UST: variants seen among roughly 807,000 people sequenced by gnomAD.
UST encodes the protein chondroitin sulfate 2-O-sulfotransferase.
Under a neutral mutation model 45.6 loss-of-function variants are expected in UST, and 21 were observed. That is an observed-to-expected ratio of 0.46 (90% confidence interval 0.33 to 0.66). The LOEUF (loss-of-function observed/expected upper bound fraction) is 0.66. Among genes scored for constraint, UST ranks in the 30% least tolerant of loss-of-function variants. The pLI, the probability that UST is intolerant of heterozygous loss-of-function variation, is 0.02. For missense variants in UST, 463 were observed against 512.4 expected, an observed-to-expected ratio of 0.90 and a Z score of 0.93; for synonymous variants, 215 against 200.6, an observed-to-expected ratio of 1.07 and a Z score of -0.61.
chr6:148,810,288 G>A (rs954377836), intron 1 of UST, among the ~76,000 whole-genome samples: 1 of 152,154 alleles, frequency 6.6e-6, no homozygotes, highest in African/African-American at 2.4e-5. Flanking sequence ...AACTCCCATA[G>A]ATCAGGATTA....
chr6:148,797,054 A>C (rs1776964975), intron 1 of UST, among the ~76,000 whole-genome samples: 1 of 151,910 alleles, frequency 6.6e-6, no homozygotes, highest in Admixed American at 6.6e-5. Context: ...GCCACTTCCA[A>C]AGTGCTAGGA....
At chr6:148,799,649 C>T (rs1407948933) in intron 1 of UST, among the ~76,000 whole-genome samples, 1 of 152,066 alleles carries the variant, frequency 6.6e-6, no homozygotes, top group Non-Finnish European at 1.5e-5. Context: ...CAACCCCGTT[C>T]CCTCCCTCCT....
chr6:148,759,475 C>G (rs185231302), intron 1 of UST, among the ~76,000 whole-genome samples: 6 of 151,186 alleles, frequency 4.0e-5, no homozygotes, highest in African/African-American at 1.2e-4. Context: ...TGCAGTGAGC[C>G]GAGATCGCAC....
intron 7 of UST, among the ~76,000 whole-genome samples, chr6:149,037,902 A>G (rs546905557): frequency 2.0e-5 from 3 of 152,220 alleles, no homozygotes; most frequent in Non-Finnish European, 4.4e-5. Flanking sequence ...TCAGCAAGGT[A>G]GAAGGCCAGC....
intron 5 of UST, among the ~76,000 whole-genome samples, chr6:148,994,718 C>G (rs1781417622): frequency 6.6e-6 from 1 of 152,176 alleles, no homozygotes; most frequent in Non-Finnish European, 1.5e-5. Context: ...AGCACACTCT[C>G]TAAGACCCCA....
At chr6:148,869,508 T>G (rs549333852) in intron 1 of UST, among the ~76,000 whole-genome samples, 1 of 152,332 alleles carries the variant, frequency 6.6e-6, no homozygotes, top group African/African-American at 2.4e-5. Flanking sequence ...ATTTTACATT[T>G]GAAGGCCTAA....
At chr6:148,848,397 G>A (rs1778037794) in intron 1 of UST, among the ~76,000 whole-genome samples, 1 of 152,208 alleles carries the variant, frequency 6.6e-6, no homozygotes, top group South Asian at 2.1e-4. Flanking sequence ...TTAAGGCTGG[G>A]CATGGTGGCT....
Position 148,779,965 on chromosome 6 carries a change from C to T in UST, c.247+32288C>T, listed in dbSNP as rs1262145065. ...GACTTTGTGATATTTATTTTGGCTG[C>T]TTATTTACTCAGGTTTATTCCAGAT... On this transcript the variant is annotated intron_variant, in intron 1 of 7. Transcript: ENST00000367463. Among the ~76,000 whole-genome samples the T allele has an allele frequency of 2.6e-5, 4 of 151,990 alleles. No homozygotes were observed. In the East Asian group the frequency reaches 7.7e-4, roughly 29 times the overall value.
intron 1 of UST, among the ~76,000 whole-genome samples, chr6:148,799,671 C>CT (rs1305299012): frequency 1.3e-5 from 2 of 152,122 alleles, no homozygotes; most frequent in Non-Finnish European, 2.9e-5. Flanking sequence ...CCCTTTTTCT[C>CT]TTTTTTTCTT....
intron 7 of UST, among the ~76,000 whole-genome samples, chr6:149,024,034 T>A (rs1216882283): frequency 1.3e-5 from 2 of 152,356 alleles, no homozygotes; most frequent in East Asian, 1.9e-4. Flanking sequence ...TCAAAGAGAA[T>A]AAAGGACATC....
chr6:148,800,150 G>C (rs1358688783), intron 1 of UST, among the ~76,000 whole-genome samples: 2 of 152,194 alleles, frequency 1.3e-5, no homozygotes, highest in African/African-American at 2.4e-5. Context: ...TTTGGCATCA[G>C]AAAAACATGG....
intron 5 of UST, among the ~76,000 whole-genome samples, chr6:148,971,505 G>C (rs887293482): frequency 1.3e-5 from 2 of 152,128 alleles, no homozygotes; most frequent in African/African-American, 4.8e-5. Flanking sequence ...CAGAGACATG[G>C]CGCTGTCCAG....
intron 1 of UST, among the ~76,000 whole-genome samples, chr6:148,764,530 T>C (rs1776282129): frequency 6.6e-6 from 1 of 152,212 alleles, no homozygotes; most frequent in Non-Finnish European, 1.5e-5. Context: ...TCAACGTGGG[T>C]TCTTTTCTAT....
intron 7 of UST, among the ~76,000 whole-genome samples, chr6:149,065,273 TG>T (rs1776715272): frequency 6.6e-6 from 1 of 152,240 alleles, no homozygotes; most frequent in Non-Finnish European, 1.5e-5. Flanking sequence ...GCTGCTATTA[TG>T]GCAGTCTGGA....
At chr6:148,993,268 G>C (rs1267389021) in intron 5 of UST, among the ~76,000 whole-genome samples, 3 of 152,150 alleles carry the variant, frequency 2.0e-5, no homozygotes, top group Admixed American at 6.5e-5. Flanking sequence ...TCCTAAAGGA[G>C]GGTGACCCTG....
intron 1 of UST, among the ~76,000 whole-genome samples, chr6:148,759,712 G>A (rs991169997): frequency 6.6e-6 from 1 of 151,180 alleles, no homozygotes; most frequent in Non-Finnish European, 1.5e-5. Flanking sequence ...GCCGGGCATG[G>A]TGGTGGGCGC....
intron 5 of UST, among the ~76,000 whole-genome samples, chr6:148,994,064 A>G (rs755091190): frequency 6.9e-6 from 1 of 144,886 alleles, no homozygotes; most frequent in Non-Finnish European, 1.5e-5. Flanking sequence ...CTGCCTCCCA[A>G]GTTCAAGCGA....
chr6:149,018,014 C>G (rs997780489), intron 5 of UST, among the ~76,000 whole-genome samples: 3 of 152,274 alleles, frequency 2.0e-5, no homozygotes, highest in East Asian at 1.9e-4. Context: ...ACCTCCGCCT[C>G]TCATGGTAAA....
At chr6:148,812,951 G>T (rs1401360487) in intron 1 of UST, among the ~76,000 whole-genome samples, 1 of 152,044 alleles carries the variant, frequency 6.6e-6, no homozygotes, top group Non-Finnish European at 1.5e-5. Flanking sequence ...TGATAAGGGG[G>T]CATTTACTTT....
Sources: gnomAD v4.1 joint callset for allele counts (sites outside exome capture counted in the v4.1 genomes callset) on GRCh38, gnomAD v4.1.1 for gene constraint, MANE v1.5 for transcripts, NCBI Gene and HGNC (gene_info 2026-07-23, HGNC 2026-07-21) for gene names.